Variants in PRIMA1 observed in about 807,000 individuals in gnomAD.
The protein encoded by PRIMA1 is proline-rich membrane anchor 1.
A neutral mutation model predicts 17.5 loss-of-function variants in PRIMA1; 7 were observed. The ratio of observed to expected loss-of-function variants is 0.40; its 90% CI spans 0.23 to 0.75. PRIMA1 has a LOEUF of 0.75. Ranked by LOEUF, PRIMA1 falls within the 30% of genes least tolerant of loss-of-function variation. The probability of loss-of-function intolerance (pLI) is 0.37; values close to 1 mark genes in which losing one functional copy is unlikely to be tolerated. For synonymous variants in PRIMA1, 97 were observed against 77.9 expected (o/e 1.25, Z -1.29); for missense variants, 200 against 201.8 (o/e 0.99, Z 0.05).
intron 3 of PRIMA1, among the ~76,000 whole-genome samples, chr14:93,772,320 T>C (rs1440350860): frequency 6.6e-6 from 1 of 152,258 alleles, no homozygotes; most frequent in Non-Finnish European, 1.5e-5. Context: ...AATGCCCCAA[T>C]AAAATCTCTA....
At chr14:93,760,492 CCTAA>C (rs1179661303) in intron 3 of PRIMA1, among the ~76,000 whole-genome samples, 9 of 152,118 alleles carry the variant, frequency 5.9e-5, no homozygotes, top group African/African-American at 9.7e-5. Context: ...TCTTCAGAGT[CCTAA>C]CTTTCTCGGA....
chr14:93,746,234 G>A (rs1026666551), intron 3 of PRIMA1, among the ~76,000 whole-genome samples: 1 of 152,094 alleles, frequency 6.6e-6, no homozygotes, highest in Non-Finnish European at 1.5e-5. Context: ...AGCTCTTAAG[G>A]GAGATGCAGA....
intron 3 of PRIMA1, among the ~76,000 whole-genome samples, chr14:93,739,060 T>G (rs2076168653): frequency 2.0e-5 from 3 of 151,794 alleles, no homozygotes; most frequent in African/African-American, 7.3e-5. Flanking sequence ...TTTCTTTCTT[T>G]TTTTTTTTTG....
chr14:93,725,398 A>G (rs1017921029), intron 4 of PRIMA1, among the ~76,000 whole-genome samples: 1 of 152,044 alleles, frequency 6.6e-6, no homozygotes, highest in Non-Finnish European at 1.5e-5. Flanking sequence ...CCTTTCTGGG[A>G]TTCACTGCAG....
Position 93,718,436 on chromosome 14 carries a change from G to A in PRIMA1, c.*3008C>T, listed in dbSNP as rs1402334188. On this transcript the variant is annotated 3_prime_UTR_variant, in exon 5 of 5. Transcript: ENST00000393140. ...AGGAAACCAACCTTAATGGCTTGTT[G>A]GTGGATAAGACGGCATCAACTTGTA... is the stretch of plus-strand genomic sequence containing the variant. 2 of 152,528 alleles carry A rather than the reference G, an allele frequency of 1.3e-5. No homozygotes were observed. Among genetic ancestry groups the A allele is most frequent in the Non-Finnish European group, 2.9e-5 (2 of 68,034 alleles). The allele number at this position is 152,528 out of a possible 1,614,324, so 9.4% of individuals were successfully genotyped here.
At chr14:93,736,320 C>A (rs2076149769) in intron 4 of PRIMA1, among the ~76,000 whole-genome samples, 2 of 152,236 alleles carry the variant, frequency 1.3e-5, no homozygotes. Context: ...CTTAGAACCT[C>A]AACCTCCTCT....
intron 3 of PRIMA1, among the ~76,000 whole-genome samples, chr14:93,771,748 T>C (rs1885075849): frequency 6.6e-6 from 1 of 152,142 alleles, no homozygotes; most frequent in Non-Finnish European, 1.5e-5. Flanking sequence ...TGAGCTGAGA[T>C]CAGCATGAGT....
chr14:93,751,809 T>C (rs562735210), intron 3 of PRIMA1, among the ~76,000 whole-genome samples: 1 of 152,332 alleles, frequency 6.6e-6, no homozygotes, highest in African/African-American at 2.4e-5. Flanking sequence ...ATACGTAGTA[T>C]TGAAGAAAAC....
In PRIMA1 at chr14:93,728,920, T is replaced by C. The variant is rs541096320; in HGVS notation, c.360-7374A>G. Among the ~76,000 whole-genome samples the C allele has an allele frequency of 3.9e-5, 6 of 152,276 alleles. No individual in the cohort carries two copies. The South Asian group carries it at 1.2e-3, about 32-fold the overall frequency. On this transcript the variant is annotated intron_variant, in intron 4 of 4. Transcript: ENST00000393140. The stretch of plus-strand genomic sequence containing the variant: ...ACCCATCATGGAAGATGGGTCTTTA[T>C]AGGGGGACAAATAAGTCCAAAGAAG...
chr14:93,753,150 T>C (rs1411403521), intron 3 of PRIMA1, among the ~76,000 whole-genome samples: 1 of 152,228 alleles, frequency 6.6e-6, no homozygotes, highest in African/African-American at 2.4e-5. Flanking sequence ...AGTGCCTGAC[T>C]TGGCCTCCCA....
chr14:93,773,748 C>A (rs1233418933), intron 3 of PRIMA1, among the ~76,000 whole-genome samples: 1 of 152,198 alleles, frequency 6.6e-6, no homozygotes, highest in African/African-American at 2.4e-5. Context: ...GAATAGGAGG[C>A]CAAGCTGCCC....
chr14:93,732,623 TCCTGGCACCTGGC>T (rs1159139579), intron 4 of PRIMA1, among the ~76,000 whole-genome samples: 6 of 152,192 alleles, frequency 3.9e-5, no homozygotes, highest in African/African-American at 1.4e-4. Flanking sequence ...TGGCACCTGG[TCCTGGCACCTGGC>T]CCAGCCCTGG....
intron 3 of PRIMA1, among the ~76,000 whole-genome samples, chr14:93,749,890 G>A (rs2076249459): frequency 1.3e-5 from 2 of 151,834 alleles, no homozygotes; most frequent in African/African-American, 4.8e-5. Context: ...AAATTAGCTG[G>A]GATAAGTAAG....
At chr14:93,747,483 T>C (rs1262396975) in intron 3 of PRIMA1, among the ~76,000 whole-genome samples, 1 of 152,020 alleles carries the variant, frequency 6.6e-6, no homozygotes, top group African/African-American at 2.4e-5. Context: ...AGCGGCATCG[T>C]GGAGCCATAT....
chr14:93,786,124 G>C (rs1885517799), intron 2 of PRIMA1, among the ~76,000 whole-genome samples: 1 of 152,184 alleles, frequency 6.6e-6, no homozygotes, highest in South Asian at 2.1e-4. Context: ...TTATGGAAGA[G>C]AGAAAAGTGT....
At chr14:93,723,464 T>A (rs564574773) in intron 4 of PRIMA1, among the ~76,000 whole-genome samples, 1 of 152,154 alleles carries the variant, frequency 6.6e-6, no homozygotes, top group East Asian at 1.9e-4. Context: ...CATTAGCAGT[T>A]CATGGGAAGA....
chr14:93,722,792 TGAAG>T (rs1250677599), intron 4 of PRIMA1, among the ~76,000 whole-genome samples: 1 of 152,180 alleles, frequency 6.6e-6, no homozygotes, highest in Non-Finnish European at 1.5e-5. Context: ...ACAGTGGTAA[TGAAG>T]ATGGGGTGGC....
At chr14:93,760,915 T>C (rs749293122) in intron 3 of PRIMA1, among the ~76,000 whole-genome samples, 5 of 152,006 alleles carry the variant, frequency 3.3e-5, no homozygotes, top group South Asian at 2.1e-4. Flanking sequence ...TTGACTGGTC[T>C]GTTGCCAGCC....
At chr14:93,777,151 G>A (rs75925465) in intron 3 of PRIMA1, among the ~76,000 whole-genome samples, 3,114 of 152,232 alleles carry the variant, frequency 0.02, 112 homozygotes, top group African/African-American at 0.07. Context: ...GATGAAATGC[G>A]ATCTGCTCAG....
Sources: gnomAD v4.1 joint callset for allele counts (sites outside exome capture counted in the v4.1 genomes callset) on GRCh38, gnomAD v4.1.1 for gene constraint, MANE v1.5 for transcripts, NCBI Gene and HGNC (gene_info 2026-07-23, HGNC 2026-07-21) for gene names.